CEP83: variants seen among roughly 807,000 people sequenced by gnomAD.
CEP83 encodes centrosomal protein 83, also known as centrosomal protein of 83 kDa.
CEP83 carries 70 observed loss-of-function variants against 101.9 expected under a neutral mutation model. The ratio of observed to expected loss-of-function variants is 0.69; its 90% CI spans 0.57 to 0.84. CEP83 has a LOEUF of 0.84. Ranked by LOEUF, CEP83 falls within the 40% of genes least tolerant of loss-of-function variation. The pLI is 0.00. For synonymous variants in CEP83, 264 were observed against 267.9 expected (o/e 0.99, Z 0.14); for missense variants, 715 against 787.2 (o/e 0.91, Z 1.10).
the CEP83 span, among the ~76,000 whole-genome samples, chr12:94,295,966 C>T: frequency 6.6e-6 from 1 of 152,190 alleles, no homozygotes; most frequent in South Asian, 2.1e-4. Flanking sequence ...AACCTACCTG[C>T]ACCTGCCTTC....
chr12:94,308,883 C>A lies in CEP83; in HGVS notation c.2036G>T (p.Arg679Leu). ...EQHQRELSLL[R>L]KRLEELETTQ... ...TGTTTCCAGTTCTTCTAGTCTTTTG[C>A]GAAGTAGAGAGAGTTCCCTTTGATG... Residue 679 changes from arginine to leucine, a missense_variant, in exon 17 of 17, where the codon CGC (arginine) becomes CTC (leucine). Transcript: ENST00000397809. The A allele has an allele frequency of 6.2e-7, 1 of 1,611,990 alleles. No individual in the cohort carries two copies. The highest frequency in any genetic ancestry group is 1.1e-5 in the South Asian group (1 of 91,030).
At chr12:94,431,554 G>T (rs1335021079) in intron 2 of CEP83, among the ~76,000 whole-genome samples, 1 of 150,804 alleles carries the variant, frequency 6.6e-6, no homozygotes, top group Non-Finnish European at 1.5e-5. Flanking sequence ...CCTGACAAGG[G>T]ACTAATACCT....
the CEP83 span, among the ~76,000 whole-genome samples, chr12:94,290,048 C>T: frequency 1.3e-5 from 2 of 152,122 alleles, no homozygotes; most frequent in Non-Finnish European, 2.9e-5. Flanking sequence ...AAGGCCCATC[C>T]GAGGTATTTG....
chr12:94,325,382 AG>A (rs1249512776), intron 14 of CEP83, among the ~76,000 whole-genome samples: 3 of 152,166 alleles, frequency 2.0e-5, no homozygotes, highest in Non-Finnish European at 4.4e-5. Flanking sequence ...CATGTTGGCC[AG>A]GCTGGTCTCA....
intron 16 of CEP83, 126 bp downstream of exon 16, chr12:94,309,792 T>C (rs1969560224): frequency 1.9e-6 from 1 of 524,854 alleles, no homozygotes; most frequent in Non-Finnish European, 3.3e-6. Context: ...TAAATGTTTA[T>C]GCCATTTTTG....
At chr12:94,363,820 C>A (rs150257502) in intron 11 of CEP83, among the ~76,000 whole-genome samples, 1 of 151,660 alleles carries the variant, frequency 6.6e-6, no homozygotes, top group African/African-American at 2.4e-5. Context: ...TGGTAGCAGG[C>A]GCCTTTAATC....
At chr12:94,297,461 A>T in the CEP83 span, 2 of 1,349,476 alleles carry the variant, frequency 1.5e-6, no homozygotes, top group Non-Finnish European at 2.1e-6. Flanking sequence ...ATGGCTACCT[A>T]GGGGGTGTAT....
chr12:94,419,935 T>C (rs1001977404), intron 2 of CEP83, among the ~76,000 whole-genome samples: 1 of 152,194 alleles, frequency 6.6e-6, no homozygotes, highest in East Asian at 1.9e-4. Flanking sequence ...GCAGGAAAAA[T>C]AGCACGTCTA....
chr12:94,286,431 CT>C, the CEP83 span, among the ~76,000 whole-genome samples: 1 of 152,032 alleles, frequency 6.6e-6, no homozygotes, highest in Non-Finnish European at 1.5e-5. Flanking sequence ...TAAGCAGCGC[CT>C]CCGCAGACTC....
At chr12:94,284,706 C>G in the CEP83 span, among the ~76,000 whole-genome samples, 1 of 151,980 alleles carries the variant, frequency 6.6e-6, no homozygotes. Flanking sequence ...GGATAGTTGG[C>G]TGTAGGGTCT....
chr12:94,442,139 T>G (rs534965662), intron 1 of CEP83, among the ~76,000 whole-genome samples: 1 of 150,558 alleles, frequency 6.6e-6, no homozygotes, highest in South Asian at 2.1e-4. Context: ...ATATATATAA[T>G]GCAATACTAC....
chr12:94,350,684 C>T (rs1302990626), intron 11 of CEP83, among the ~76,000 whole-genome samples: 1 of 151,710 alleles, frequency 6.6e-6, no homozygotes, highest in African/African-American at 2.4e-5. Flanking sequence ...TACTTATCAA[C>T]AGAGTAAAAC....
chr12:94,279,646 C>T, the CEP83 span: 4 of 1,613,890 alleles, frequency 2.5e-6, no homozygotes, highest in Admixed American at 6.7e-5. Flanking sequence ...TGAAATTGGT[C>T]TTGGTAAGGC....
chr12:94,355,252 G>A (rs1032281255), intron 11 of CEP83, among the ~76,000 whole-genome samples: 3 of 152,144 alleles, frequency 2.0e-5, no homozygotes, highest in Non-Finnish European at 4.4e-5. Flanking sequence ...TCAGCACTTT[G>A]GGAGGCCAAG....
chr12:94,287,861 T>C, the CEP83 span, among the ~76,000 whole-genome samples: 385 of 152,380 alleles, frequency 2.5e-3, 1 homozygote, highest in African/African-American at 8.4e-3. Flanking sequence ...GGTACTGTTC[T>C]AGGGCTTTGA....
the CEP83 span, among the ~76,000 whole-genome samples, chr12:94,287,836 GCTT>G: frequency 1.3e-5 from 2 of 152,196 alleles, no homozygotes; most frequent in African/African-American, 2.4e-5. Flanking sequence ...CACGTATAAT[GCTT>G]CTTGTGTACT....
At chr12:94,382,143 A>C (rs1232510485) in intron 6 of CEP83, among the ~76,000 whole-genome samples, 1 of 151,970 alleles carries the variant, frequency 6.6e-6, no homozygotes, top group Non-Finnish European at 1.5e-5. Context: ...AATTTATTAG[A>C]GTAGAGTTGT....
intron 2 of CEP83, among the ~76,000 whole-genome samples, chr12:94,435,015 T>C (rs1423378223): frequency 6.6e-6 from 1 of 152,232 alleles, no homozygotes; most frequent in East Asian, 1.9e-4. Flanking sequence ...AATTATTAAA[T>C]ACTCTTCCTT....
At chr12:94,313,109 T>C (rs1171756106) in intron 14 of CEP83, 92 bp from the exon 15 acceptor site, 1 of 569,348 alleles carries the variant, frequency 1.8e-6, no homozygotes, top group African/African-American at 1.9e-5. Context: ...AAAAACTGTG[T>C]TTAGATATGA....
Sources: gnomAD v4.1 joint callset for allele counts (sites outside exome capture counted in the v4.1 genomes callset) on GRCh38, gnomAD v4.1.1 for gene constraint, MANE v1.5 for transcripts, NCBI Gene and HGNC (gene_info 2026-07-23, HGNC 2026-07-21) for gene names.